Variants in BOC observed in about 807,000 individuals in gnomAD.
BOC encodes the protein BOC cell adhesion associated, oncogene regulated, also known as brother of CDO.
Under a neutral mutation model 112.0 loss-of-function variants are expected in BOC, and 76 were observed. The observed-to-expected ratio is 0.68, with a 90% CI of 0.56 to 0.82. The LOEUF is 0.82. Among genes scored for constraint, BOC ranks in the 40% least tolerant of loss-of-function variants. The pLI is 0.00. For synonymous variants in BOC, 580 were observed against 599.8 expected (o/e 0.97, Z 0.48); for missense variants, 1,309 against 1,511.7 (o/e 0.87, Z 2.22).
At position 113,272,653 on chromosome 3, in the gene BOC, G is replaced by C; in HGVS notation, c.911G>C (p.Gly304Ala). The C allele has an allele frequency of 6.2e-7, 1 of 1,613,894 alleles. No homozygotes were observed. Among genetic ancestry groups the C allele is most frequent in the Non-Finnish European group, 8.5e-7 (1 of 1,179,972 alleles). ...ACCTACCGCTGCATGGCCGACAATG[G>C]GGTTGGGCAGCCCGGGGCAGCGGTC... is the stretch of plus-strand genomic sequence containing the variant. The part of the protein sequence containing the change: ...SGTYRCMADN[G>A]VGQPGAAVIL... The change falls in exon 7 of 20, where the codon GGG becomes GCG. Residue 304 changes from glycine to alanine, a missense_variant. Gly to Ala is a moderately conservative substitution (Grantham distance 60, BLOSUM62 0). Transcript: ENST00000682979.
intron 4 of BOC, among the ~76,000 whole-genome samples, chr3:113,266,029 A>G (rs1265452359): frequency 5.3e-5 from 8 of 152,262 alleles, no homozygotes; most frequent in Admixed American, 4.6e-4. Flanking sequence ...CTCAGATATC[A>G]CACACAAAAC....
chr3:113,284,742 TC>T (rs1949513326), intron 17 of BOC, 39 bp from the exon 18 acceptor site: 1 of 1,591,782 alleles, frequency 6.3e-7, no homozygotes, highest in Non-Finnish European at 8.6e-7. Flanking sequence ...TTACCTGGAC[TC>T]CCCGGCGTGG....
chr3:113,241,718 T>C (rs1454500895), intron 2 of BOC, among the ~76,000 whole-genome samples: 1 of 152,228 alleles, frequency 6.6e-6, no homozygotes, highest in Non-Finnish European at 1.5e-5. Context: ...CTGTTAGTGT[T>C]TCCCGGGGCA....
intron 4 of BOC, among the ~76,000 whole-genome samples, chr3:113,257,646 A>T (rs1275345336): frequency 1.4e-5 from 2 of 143,264 alleles, no homozygotes; most frequent in South Asian, 2.1e-4. Context: ...GAACTCAATT[A>T]ATAAAATAAT....
intron 2 of BOC, among the ~76,000 whole-genome samples, chr3:113,225,481 C>G (rs1046225400): frequency 2.6e-5 from 4 of 152,180 alleles, no homozygotes; most frequent in East Asian, 1.9e-4. Context: ...ACCACCTCCC[C>G]CTCTGGTTTT....
chr3:113,238,774 A>G (rs111228705), intron 2 of BOC, among the ~76,000 whole-genome samples: 21 of 152,378 alleles, frequency 1.4e-4, no homozygotes, highest in African/African-American at 3.8e-4. Context: ...TGGGTTGACC[A>G]TACACACACC....
rs770248505 is a variant in BOC at position 113,286,814 on chromosome 3, G to A, written c.3300G>A (p.Pro1100=). The change falls in exon 20 of 20, where the codon CCG becomes CCA. Residue 1100 remains proline (P), a synonymous_variant. Transcript: ENST00000682979. Reference sequence around the variant, plus strand: ...AGGAACCTGGAATGCAGCTCTCCCCGGGGCCACTGGTGCGTGTGTCTTTTG... The same window carrying A: ...AGGAACCTGGAATGCAGCTCTCCCCAGGGCCACTGGTGCGTGTGTCTTTTG... The part of the protein sequence containing the change: ...VGQEPGMQLS[P]GPLVRVSFET... 11 of 1,610,158 alleles carry A rather than the reference G, an allele frequency of 6.8e-6. No individual in the cohort carries two copies. The highest frequency in any genetic ancestry group is 4.0e-5 in the African/African-American group (3 of 74,668).
chr3:113,272,445 C>A lies in BOC; in HGVS notation c.703C>A (p.Pro235Thr), dbSNP rs766394712. 7.4e-6 allele frequency: 12 copies of A among 1,613,962 alleles called. No individual in the cohort carries two copies. Among genetic ancestry groups the A allele is most frequent in the South Asian group, 6.6e-5 (6 of 91,078 alleles). ...TGAGGCTGCCCGCATCATCTACCCCCCAGAGGCCCAAACCATCATCGTCAC... is the reference window on the plus strand; with the variant it reads ...TGAGGCTGCCCGCATCATCTACCCCACAGAGGCCCAAACCATCATCGTCAC... ...TAEAARIIYP[P>T]EAQTIIVTKG... Residue 235 changes from proline (P) to threonine (T), a missense_variant, in exon 7 of 20, where the codon CCA becomes ACA. Transcript: ENST00000682979.
At chr3:113,237,009 G>A (rs1943655987) in intron 2 of BOC, among the ~76,000 whole-genome samples, 1 of 152,198 alleles carries the variant, frequency 6.6e-6, no homozygotes, top group Non-Finnish European at 1.5e-5. Flanking sequence ...CTTCTGTGAA[G>A]GGTAGAAGAG....
chr3:113,255,589 T>C (rs1467904975), intron 4 of BOC, among the ~76,000 whole-genome samples: 4 of 152,156 alleles, frequency 2.6e-5, no homozygotes, highest in African/African-American at 9.7e-5. Flanking sequence ...ATTCTAAACT[T>C]GGGAATTTTA....
intron 4 of BOC, among the ~76,000 whole-genome samples, chr3:113,252,533 A>G (rs1945759243): frequency 6.6e-6 from 1 of 151,994 alleles, no homozygotes; most frequent in African/African-American, 2.4e-5. Context: ...AGGGATGGAG[A>G]AGCAGTAACA....
chr3:113,244,875 T>G (rs1414539818), intron 2 of BOC, among the ~76,000 whole-genome samples: 2 of 152,222 alleles, frequency 1.3e-5, no homozygotes, highest in Admixed American at 6.5e-5. Flanking sequence ...TTGAAACCGT[T>G]TCTAGCCAGT....
At chr3:113,231,208 A>T (rs1942558823) in intron 2 of BOC, among the ~76,000 whole-genome samples, 2 of 152,178 alleles carry the variant, frequency 1.3e-5, no homozygotes, top group Admixed American at 6.5e-5. Context: ...GCTTTTTTTC[A>T]AATTTGCCTT....
intron 14 of BOC, 58 bp downstream of exon 14, chr3:113,280,721 G>A (rs1015947059): frequency 2.4e-5 from 33 of 1,370,058 alleles, no homozygotes; most frequent in Non-Finnish European, 3.2e-5. Context: ...CCGCTGGCAT[G>A]GGGGACAAGG....
intron 5 of BOC, 93 bp from the exon 6 acceptor site, chr3:113,270,708 T>TCCTCTCCCTCCGTGCA: frequency 6.9e-7 from 1 of 1,448,616 alleles, no homozygotes; most frequent in South Asian, 1.4e-5. Context: ...CCCAGCCTGT[T>TCCTCTCCCTCCGTGCA]CCTCTCCCTC....
intron 15 of BOC, 96 bp from the exon 16 acceptor site, chr3:113,283,315 C>T (rs1949361350): frequency 1.4e-5 from 18 of 1,300,048 alleles, no homozygotes; most frequent in Admixed American, 8.9e-5. Context: ...GACCCCATTT[C>T]CCAAACCCAT....
chr3:113,286,978 T>C lies in BOC; in HGVS notation c.*116T>C. The C allele has an allele frequency of 1.9e-6, 2 of 1,033,572 alleles. No homozygotes were observed. The highest frequency in any genetic ancestry group is 2.9e-6 in the Non-Finnish European group (2 of 700,176). 64.0% of individuals were successfully genotyped at this position (1,033,572 alleles called of 1,614,324 possible). A position where few individuals can be genotyped will look rare whatever the true frequency, so the allele number is the denominator to read the frequency against. ...TTTCTATTATAGCCATATTTATATA[T>C]TTATGCACTTGTAAATAAATGTATA... On this transcript the variant is annotated 3_prime_UTR_variant, in exon 20 of 20. Coordinates refer to ENST00000682979, the MANE Select transcript of BOC (RefSeq NM_001378074.1).
At chr3:113,248,597 C>T (rs1209930740) in intron 2 of BOC, among the ~76,000 whole-genome samples, 1 of 152,206 alleles carries the variant, frequency 6.6e-6, no homozygotes, top group Non-Finnish European at 1.5e-5. Flanking sequence ...GTTGATACCC[C>T]ATCCTTATTT....
chr3:113,268,142 G>A (rs1473084808), intron 4 of BOC, among the ~76,000 whole-genome samples, 157 bp from the exon 5 acceptor site: 33 of 152,180 alleles, frequency 2.2e-4, no homozygotes. Flanking sequence ...AACTCCTGTA[G>A]ACAACAAGGG....
Sources: gnomAD v4.1 joint callset for allele counts (sites outside exome capture counted in the v4.1 genomes callset) on GRCh38, gnomAD v4.1.1 for gene constraint, MANE v1.5 for transcripts, NCBI Gene and HGNC (gene_info 2026-07-23, HGNC 2026-07-21) for gene names.